KMT2C: variants seen among roughly 807,000 people sequenced by gnomAD.
The protein encoded by KMT2C is lysine methyltransferase 2C, also known as histone-lysine N-methyltransferase 2C.
KMT2C carries 88 observed loss-of-function variants against 507.9 expected under a neutral mutation model. The observed-to-expected ratio is 0.17, with a 90% confidence interval of 0.15 to 0.21. KMT2C has a LOEUF of 0.21. KMT2C is among the 10% of genes least tolerant of loss of function. KMT2C has a pLI of 1.00. For synonymous variants in KMT2C, 2,049 were observed against 2,080.8 expected, an observed-to-expected ratio of 0.98 and a Z score of 0.42; for missense variants, 4,954 against 5,957.8, an observed-to-expected ratio of 0.83 and a Z score of 5.55.
chr7:152,359,302 A>T (rs532075178), intron 1 of KMT2C, among the ~76,000 whole-genome samples: 16 of 152,010 alleles, frequency 1.1e-4, no homozygotes, highest in Non-Finnish European at 1.9e-4. Flanking sequence ...AAAAAAAAAA[A>T]AACTAATGCC....
chr7:152,250,829 A>T (rs2129166055), intron 12 of KMT2C, 24 bp downstream of exon 12: 1 of 1,209,530 alleles, frequency 8.3e-7, no homozygotes. Context: ...TCAAAAACAG[A>T]GTATATCCAT....
rs35363127 is a variant in KMT2C at position 152,307,278 on chromosome 7, A to AAAGGAAGGAAGG, written c.849+2676_849+2687dup. ...GGTAGGAAGGAAGGAAGGAAGAAAG[A>AAAGGAAGGAAGG]AAGGAAGGAAGGAAGGAAGGAAGGA... On this transcript the variant is annotated intron_variant, in intron 6 of 58. Transcript: ENST00000262189. 5.8e-3 allele frequency among the ~76,000 whole-genome samples: 620 copies of AAAGGAAGGAAGG among 107,428 alleles called. 9 individuals are homozygous for AAAGGAAGGAAGG. The highest frequency in any genetic ancestry group is 0.022 in the African/African-American group (495 of 23,000). 70.5% of individuals were successfully genotyped at this position (107,428 alleles called of 152,430 possible).
intron 18 of KMT2C, among the ~76,000 whole-genome samples, chr7:152,228,038 A>C (rs1043448394): frequency 2.0e-5 from 3 of 152,198 alleles, no homozygotes; most frequent in Non-Finnish European, 4.4e-5. Context: ...AGTTTAAATA[A>C]TACTAAGATT....
chr7:152,270,991 G>A (rs983336686), intron 7 of KMT2C, among the ~76,000 whole-genome samples: 9 of 152,050 alleles, frequency 5.9e-5, no homozygotes, highest in Non-Finnish European at 1.2e-4. Context: ...CTACTGCTCT[G>A]CCCCTTAGGA....
rs1174801907 is a variant in KMT2C at position 152,144,050 on chromosome 7, A to G, written c.14343+663T>C. Among the ~76,000 whole-genome samples the G allele has an allele frequency of 6.6e-6, 1 of 152,224 alleles. No individual in the cohort carries two copies. The highest frequency in any genetic ancestry group is 1.5e-5 in the Non-Finnish European group (1 of 68,038). On this transcript the variant is annotated intron_variant, in intron 55 of 58. Coordinates refer to ENST00000262189, the MANE Select transcript of KMT2C (RefSeq NM_170606.3). This position sits in a 1 kb window ranked among gnomAD's most constrained non-coding sequence, Gnocchi z 4.4. ...GTTTAATCTGGCAGTACTGAGGCCA[A>G]TGTACACAAACGGTAACATCACTCA...
intron 2 of KMT2C, among the ~76,000 whole-genome samples, chr7:152,354,458 G>T (rs1253742062): frequency 6.6e-6 from 1 of 152,160 alleles, no homozygotes; most frequent in Non-Finnish European, 1.5e-5. Context: ...ACTTCATAAA[G>T]CTTACATTCT....
At chr7:152,303,794 C>A (rs2096592499) in intron 6 of KMT2C, among the ~76,000 whole-genome samples, 1 of 152,146 alleles carries the variant, frequency 6.6e-6, no homozygotes, top group Non-Finnish European at 1.5e-5. Flanking sequence ...TCAAGACCAG[C>A]CTGGCCAACA....
intron 18 of KMT2C, among the ~76,000 whole-genome samples, chr7:152,227,757 AAGCCGTACTTCTAG>A (rs959395392): frequency 3.3e-5 from 5 of 152,226 alleles, no homozygotes; most frequent in Admixed American, 6.5e-5. Context: ...GTGGAACACC[AAGCCGTACTTCTAG>A]AAGCCCAAAG....
intron 31 of KMT2C, among the ~76,000 whole-genome samples, chr7:152,189,504 C>T (rs897806995): frequency 6.6e-6 from 1 of 151,836 alleles, no homozygotes; most frequent in African/African-American, 2.4e-5. Context: ...TAATGTCATT[C>T]CATTAGATTA....
intron 1 of KMT2C, among the ~76,000 whole-genome samples, chr7:152,382,899 G>A (rs2097385661): frequency 1.3e-5 from 2 of 152,056 alleles, no homozygotes; most frequent in African/African-American, 4.8e-5. Context: ...GATTGAGGTG[G>A]AGGGGAAAAT....
At chr7:152,432,832 T>C (rs2116801639) in intron 1 of KMT2C, among the ~76,000 whole-genome samples, 1 of 152,294 alleles carries the variant, frequency 6.6e-6, no homozygotes, top group South Asian at 2.1e-4. Context: ...GATAAATACA[T>C]AAATCCACTT....
intron 40 of KMT2C, among the ~76,000 whole-genome samples, chr7:152,170,603 A>G (rs963388852): frequency 1.6e-4 from 25 of 152,232 alleles, no homozygotes; most frequent in African/African-American, 6.0e-4. Flanking sequence ...CCCGGGTTCA[A>G]GCGATTCTCC....
At chr7:152,203,938 T>C (rs1173533373) in intron 25 of KMT2C, among the ~76,000 whole-genome samples, 1 of 151,986 alleles carries the variant, frequency 6.6e-6, no homozygotes, top group East Asian at 1.9e-4. Flanking sequence ...TCTCCGAAAT[T>C]TGCTGAAATC....
chr7:152,166,632 CATA>C (rs2092740417), intron 42 of KMT2C, among the ~76,000 whole-genome samples: 1 of 152,112 alleles, frequency 6.6e-6, no homozygotes, highest in African/African-American at 2.4e-5. Flanking sequence ...CAGTACTTCA[CATA>C]AGACATACCA....
In KMT2C at chr7:152,182,300, G is replaced by A. The variant is rs750710290; in HGVS notation, c.5560C>T (p.Pro1854Ser). The A allele has an allele frequency of 1.2e-6, 2 of 1,614,182 alleles. No individual in the cohort carries two copies. The highest frequency in any genetic ancestry group is 1.7e-6 in the Non-Finnish European group (2 of 1,180,026). Reference sequence around the variant, plus strand: ...ATCCGGGATGGGGCTGGAGGAGGAGGTGGAGCTTGTGGCTTTACAAACACA... The same window carrying A: ...ATCCGGGATGGGGCTGGAGGAGGAGATGGAGCTTGTGGCTTTACAAACACA... The part of the protein sequence containing the change: ...DDVFVKPQAP[P>S]PPPAPSRIPI... The change falls in exon 36 of 59, where the codon CCT becomes TCT. Residue 1854 changes from proline (P) to serine (S), a missense_variant. By Grantham distance (74) the Pro-to-Ser change is moderately conservative. Coordinates refer to ENST00000262189, the MANE Select transcript of KMT2C (RefSeq NM_170606.3).
chr7:152,393,046 A>ATGAC (rs2097512308), intron 1 of KMT2C, among the ~76,000 whole-genome samples: 1 of 152,142 alleles, frequency 6.6e-6, no homozygotes, highest in African/African-American at 2.4e-5. Context: ...GCAAGGAGCC[A>ATGAC]TGACTGCATC....
At chr7:152,142,025 G>C (rs979620165) in intron 55 of KMT2C, among the ~76,000 whole-genome samples, 2 of 152,154 alleles carry the variant, frequency 1.3e-5, no homozygotes, top group African/African-American at 4.8e-5. Flanking sequence ...CTGTCTCAAA[G>C]AAGAAGAAAG....
intron 6 of KMT2C, among the ~76,000 whole-genome samples, chr7:152,275,268 G>C (rs564088376): frequency 6.6e-6 from 1 of 152,296 alleles, no homozygotes; most frequent in Admixed American, 6.5e-5. Context: ...AATTTGGCTG[G>C]GCCGGGTGGC....
At chr7:152,418,648 T>C (rs990687422) in intron 1 of KMT2C, among the ~76,000 whole-genome samples, 2 of 151,970 alleles carry the variant, frequency 1.3e-5, no homozygotes, top group Non-Finnish European at 2.9e-5. Context: ...GCCAGGCTGG[T>C]CTCGAACTCC....
Sources: gnomAD v4.1 joint callset for allele counts (sites outside exome capture counted in the v4.1 genomes callset) on GRCh38, gnomAD v4.1.1 for gene constraint, Gnocchi (gnomAD v3.1) non-coding constraint, MANE v1.5 for transcripts, NCBI Gene and HGNC (gene_info 2026-07-23, HGNC 2026-07-21) for gene names.